The following BIN3 variants were observed in gnomAD, a reference collection of about 807,000 sequenced individuals.
BIN3 encodes the protein bridging integrator 3.
A neutral mutation model predicts 38.2 loss-of-function variants in BIN3; 41 were observed. That is an observed-to-expected ratio of 1.07 (90% CI 0.84 to 1.39). The LOEUF (loss-of-function observed/expected upper bound fraction) is 1.39, where lower values mean the gene tolerates loss of function less well. BIN3 is among the 40% of genes most tolerant of loss of function. The pLI is 0.00. For missense variants in BIN3, 361 were observed against 324.3 expected (o/e 1.11, Z -0.87); for synonymous variants, 145 against 122.6 (o/e 1.18, Z -1.21).
At position 22,636,512 on chromosome 8, in the gene BIN3, G is replaced by C. The variant is rs542127366; in HGVS notation, c.160+13C>G. 207 of 1,551,878 alleles carry C rather than the reference G, an allele frequency of 1.3e-4. No homozygotes were observed. The East Asian group carries it at 3.8e-3, about 29-fold the overall frequency. On this transcript the variant is annotated intron_variant, in intron 4 of 8. Transcript: ENST00000276416. ...CCTGCTCAAGCGAGTGGTGCGGGTG[G>C]AAAGTCACCTACCCAGGTCTGCGTC...
intron 1 of BIN3, among the ~76,000 whole-genome samples, chr8:22,660,686 TAAA>T (rs1235742006): frequency 2.0e-5 from 3 of 152,076 alleles, no homozygotes; most frequent in Non-Finnish European, 4.4e-5. Flanking sequence ...GTTTAAAAAT[TAAA>T]AAAATATGAA....
At chr8:22,630,384 C>T in intron 5 of BIN3, 58 bp downstream of exon 5, 1 of 1,602,388 alleles carries the variant, frequency 6.2e-7, no homozygotes, top group Non-Finnish European at 8.5e-7. Context: ...ACAGTCCACC[C>T]AGAGGCCCAG....
chr8:22,634,526 C>G (rs1031313168), intron 4 of BIN3: 1 of 455,988 alleles, frequency 2.2e-6, no homozygotes, highest in Admixed American at 2.4e-5. Flanking sequence ...GGCTTAGGAG[C>G]TGGCATAAAA....
chr8:22,620,576 G>A lies in BIN3; in HGVS notation c.*846C>T, dbSNP rs1046011903. 26 of 152,252 alleles carry A rather than the reference G, an allele frequency of 1.7e-4. No homozygotes were observed. The highest frequency in any genetic ancestry group is 6.3e-4 in the African/African-American group (26 of 41,420). The allele number at this position is 152,252 out of a possible 1,614,324, so 9.4% of individuals were successfully genotyped here. On this transcript the variant is annotated 3_prime_UTR_variant, in exon 9 of 9. Transcript: ENST00000276416. ...CACGGTGCAGTTCGCTCCAGAAGGTGGGCCAGGGCCGGGGAGGTGCGCACA... is the reference window on the plus strand; with the variant it reads ...CACGGTGCAGTTCGCTCCAGAAGGTAGGCCAGGGCCGGGGAGGTGCGCACA...
chr8:22,631,977 A>C (rs926392175), intron 4 of BIN3, among the ~76,000 whole-genome samples: 1 of 152,232 alleles, frequency 6.6e-6, no homozygotes, highest in Non-Finnish European at 1.5e-5. Flanking sequence ...CGTCTGTACC[A>C]GTGTCAGAGT....
At chr8:22,647,898 G>A (rs113675166) in intron 1 of BIN3, among the ~76,000 whole-genome samples, 47,299 of 151,780 alleles carry the variant, frequency 0.31, 7,802 homozygotes, top group East Asian at 0.6. Context: ...AGGCCGAGGC[G>A]GGTGAATCAC....
rs111835082 is a variant in BIN3, at chr8:22,654,955, G to C, written c.9-10152C>G. Among the ~76,000 whole-genome samples, 54 of 152,280 alleles carry C rather than the reference G, an allele frequency of 3.5e-4. 1 individual carries two copies. The highest frequency in any genetic ancestry group is 1.3e-3 in the African/African-American group (53 of 41,562). ...TTACATTCCCACCAGTGGTATATAA[G>C]GGTTCCAATTTCTCCACATCCTTGC... On this transcript the variant is annotated intron_variant, in intron 1 of 8. Transcript: ENST00000276416.
intron 4 of BIN3, among the ~76,000 whole-genome samples, chr8:22,632,165 A>G (rs7831119): frequency 0.65 from 99,441 of 152,166 alleles, 33,012 homozygotes; most frequent in South Asian, 0.76. Context: ...TTTCAGAGAC[A>G]TTAACTGTGG....
chr8:22,651,096 C>G (rs1390627344), intron 1 of BIN3, among the ~76,000 whole-genome samples: 5 of 152,186 alleles, frequency 3.3e-5, no homozygotes, highest in Non-Finnish European at 7.3e-5. Flanking sequence ...AAATTCCTGA[C>G]CAACAGAAAC....
intron 1 of BIN3, among the ~76,000 whole-genome samples, chr8:22,651,525 G>C (rs955518946): frequency 1.3e-5 from 2 of 152,108 alleles, no homozygotes; most frequent in African/African-American, 4.8e-5. Context: ...GGTCACTTTT[G>C]AGACTGCACA....
intron 1 of BIN3, among the ~76,000 whole-genome samples, chr8:22,655,074 T>C (rs932959418): frequency 4.6e-5 from 7 of 152,236 alleles, no homozygotes; most frequent in African/African-American, 1.7e-4. Flanking sequence ...TAAGCGTCTT[T>C]TCATGTGTTC....
chr8:22,662,596 A>G (rs1430684649), intron 1 of BIN3, among the ~76,000 whole-genome samples: 1 of 152,174 alleles, frequency 6.6e-6, no homozygotes, highest in Admixed American at 6.5e-5. Context: ...AAGTAACCCT[A>G]TCTTCAGTTG....
intron 2 of BIN3, chr8:22,644,541 G>A: frequency 1.8e-6 from 1 of 540,546 alleles, no homozygotes; most frequent in South Asian, 2.0e-5. Context: ...GGATGATAAA[G>A]AGCCCAGGCT....
At chr8:22,658,105 G>A (rs995710281) in intron 1 of BIN3, among the ~76,000 whole-genome samples, 3 of 152,220 alleles carry the variant, frequency 2.0e-5, no homozygotes, top group Non-Finnish European at 4.4e-5. Flanking sequence ...AGAGGGTTCT[G>A]CGCTCTCTGC....
In BIN3 at chr8:22,624,219, T is replaced by TA. The variant is rs1801936153; in HGVS notation, c.480+2dup. The TA allele has an allele frequency of 2.5e-6, 4 of 1,612,954 alleles. No individual in the cohort carries two copies. The African/African-American group carries it at 5.3e-5, about 21-fold the overall frequency. ...GCCCCTGCCCACCTGTCTCCCCTGG[T>TA]ACCTGGTGGAGCTTGGCCAGCACTG... On this transcript the variant is annotated splice_region_variant and intron_variant, in intron 7 of 8. Coordinates refer to ENST00000276416, the MANE Select transcript of BIN3 (RefSeq NM_018688.6).
At chr8:22,652,184 T>TC (rs1447423961) in intron 1 of BIN3, among the ~76,000 whole-genome samples, 2 of 152,206 alleles carry the variant, frequency 1.3e-5, no homozygotes, top group Admixed American at 6.5e-5. Context: ...TTGCTTTTTT[T>TC]CTTTTTGTTT....
rs1374218154 is a variant in BIN3, at chr8:22,644,863, G to A, written c.9-60C>T. The A allele has an allele frequency of 2.0e-6, 3 of 1,483,378 alleles. No individual in the cohort carries two copies. The African/African-American group carries it at 4.1e-5, about 20-fold the overall frequency. The allele number at this position is 1,483,378 out of a possible 1,614,324, so 91.9% of individuals were successfully genotyped here. A position where few individuals can be genotyped will look rare whatever the true frequency, so the allele number is the denominator to read the frequency against. ...GAAGTGGGGAAGGATGCAGCTCAAA[G>A]TATCAGTACAGTACAGGCCACTTTC... is the stretch of plus-strand genomic sequence containing the variant. On this transcript the variant is annotated intron_variant, in intron 1 of 8. Transcript: ENST00000276416.
At chr8:22,638,975 A>G (rs769386335) in intron 2 of BIN3, among the ~76,000 whole-genome samples, 23 of 152,244 alleles carry the variant, frequency 1.5e-4, no homozygotes, top group Non-Finnish European at 2.9e-4. Flanking sequence ...GAGCATTTAA[A>G]GTGTTGCCTG....
At chr8:22,666,435 C>T (rs993707307) in intron 1 of BIN3, among the ~76,000 whole-genome samples, 4 of 151,268 alleles carry the variant, frequency 2.6e-5, no homozygotes, top group Non-Finnish European at 5.9e-5. Flanking sequence ...AAAAAGAGAG[C>T]GAGAGAGAGA....
Sources: allele counts gnomAD v4.1 joint callset (sites outside exome capture counted in the v4.1 genomes callset), GRCh38; gene constraint gnomAD v4.1.1; transcripts MANE v1.5; gene names NCBI Gene and HGNC (gene_info 2026-07-23, HGNC 2026-07-21).